The following TOPORS variants were observed in gnomAD, a reference collection of about 807,000 sequenced individuals.
TOPORS encodes E3 ubiquitin-protein ligase Topors.
A neutral mutation model predicts 81.4 loss-of-function variants in TOPORS; 25 were observed. The ratio of observed to expected loss-of-function variants is 0.31; its 90% CI spans 0.22 to 0.43. The LOEUF (loss-of-function observed/expected upper bound fraction) is 0.43. Ranked by LOEUF, TOPORS falls within the 20% of genes least tolerant of loss-of-function variation. TOPORS has a pLI of 1.00. For missense variants in TOPORS, 1,101 were observed against 1,267.0 expected (o/e 0.87, Z 1.99); for synonymous variants, 473 against 456.6 (o/e 1.04, Z -0.46).
At chr9:32,552,221 C>T in intron 1 of TOPORS, 1 of 639,270 alleles carries the variant, frequency 1.6e-6, no homozygotes, top group South Asian at 1.9e-5. Context: ...TCGTTTATTC[C>T]CCTCTCTAAA....
rs745665622 is a variant in TOPORS, at chr9:32,541,931, A to G, written c.2594T>C (p.Leu865Pro). The G allele has an allele frequency of 2.5e-6, 4 of 1,613,512 alleles. No individual in the cohort carries two copies. The African/African-American group carries it at 4.0e-5, about 16-fold the overall frequency. The change falls in exon 3 of 3, where the codon CTA (leucine) becomes CCA (proline). Residue 865 changes from leucine to proline, a missense_variant. Transcript: ENST00000360538. ...HKRRKRKTRS[L>P]SVEIVYEGKA... ...TCCTTCATAAACTATCTCTACACTT[A>G]GGCTCCGGGTCTTCCTTTTTCTCCT...
chr9:32,552,288 C>G (rs1489835626), intron 1 of TOPORS, 146 bp downstream of exon 1: 4 of 1,205,810 alleles, frequency 3.3e-6, no homozygotes, highest in African/African-American at 3.0e-5. Flanking sequence ...GCGGAAGAGG[C>G]CAGCGACAGC....
intron 2 of TOPORS, among the ~76,000 whole-genome samples, chr9:32,548,607 G>A (rs926101130): frequency 6.6e-6 from 1 of 152,114 alleles, no homozygotes; most frequent in East Asian, 1.9e-4. Flanking sequence ...AGGTAGACCC[G>A]ATGAAAAACA....
rs2118969803 is a variant in TOPORS, at chr9:32,544,234, T to C, written c.291A>G (p.Ala97=). 1 of 1,610,664 alleles carries C rather than the reference T, an allele frequency of 6.2e-7. No individual in the cohort carries two copies. The highest frequency in any genetic ancestry group is 8.5e-7 in the Non-Finnish European group (1 of 1,179,984). Residue 97 remains alanine, a synonymous_variant, in exon 3 of 3, where the codon GCA becomes GCG. Transcript: ENST00000360538. ...ATATAGGACACTTAGAATCAGGAGA[T>C]GCATCAGCTGGTACTGTCTGTTGCA... The part of the protein sequence containing the change: ...SKLQQTVPAD[A]SPDSKCPICL...
intron 1 of TOPORS, 32 bp from the exon 2 acceptor site, chr9:32,551,000 G>A: frequency 5.0e-6 from 8 of 1,604,996 alleles, no homozygotes; most frequent in East Asian, 2.2e-5. Flanking sequence ...ACCAATGGCA[G>A]CTCGGAAGCA....
rs747154231 is a variant in TOPORS, at chr9:32,543,914, G to A, written c.611C>T (p.Thr204Ile). 5.0e-6 allele frequency: 8 copies of A among 1,614,106 alleles called. No individual in the cohort carries two copies. The highest frequency in any genetic ancestry group is 4.2e-6 in the Non-Finnish European group (5 of 1,180,002). Residue 204 changes from threonine (T) to isoleucine (I), a missense_variant, in exon 3 of 3, where the codon ACA (threonine) becomes ATA (isoleucine). Thr to Ile is a moderately conservative substitution (Grantham distance 89). Transcript: ENST00000360538. The surrounding 1 kb of genome is among the most constrained non-coding windows in gnomAD (Gnocchi z 5.6). ...CAGTACTCCACTATCCGGTGGAGTT[G>A]TTGTTCTTCTGTTCACAGGACCACT... The part of the protein sequence containing the change: ...SPSGPVNRRT[T>I]TPPDSGVLFE...
At chr9:32,549,232 G>A (rs1291663529) in intron 2 of TOPORS, among the ~76,000 whole-genome samples, 2 of 152,152 alleles carry the variant, frequency 1.3e-5, no homozygotes, top group Non-Finnish European at 2.9e-5. Flanking sequence ...GCGTGAACCT[G>A]GCAGGCGGAG....
rs998096693 is a variant in TOPORS, at chr9:32,542,226, G to C, written c.2299C>G (p.His767Asp). Residue 767 changes from histidine to aspartate, a missense_variant, in exon 3 of 3, where the codon CAC becomes GAC. Coordinates refer to ENST00000360538, the MANE Select transcript of TOPORS (RefSeq NM_005802.5). ...TTACTAGACAGGCTCCTTGATCTGT[G>C]CCTTTCATAGTAGTAATACTTCCTC... Reference protein sequence around the residue: ...SERKYYYYERHRSRSLSSNRS... With the variant: ...SERKYYYYERDRSRSLSSNRS... 9 of 1,614,018 alleles carry C rather than the reference G, an allele frequency of 5.6e-6. No homozygotes were observed. Among genetic ancestry groups the C allele is most frequent in the African/African-American group, 1.3e-5 (1 of 74,898 alleles).
In TOPORS at chr9:32,542,296, G is replaced by C; in HGVS notation, c.2229C>G (p.Ser743=). The part of the protein sequence containing the change: ...QSSSPEFRVQ[S]FSERTNARKK... ...TCCTAGCATTTGTTCTTTCAGAAAA[G>C]GACTGAACTCTAAATTCTGGACTTG... Residue 743 remains serine (S), a synonymous_variant, in exon 3 of 3, where the codon TCC becomes TCG. Coordinates refer to ENST00000360538, the MANE Select transcript of TOPORS (RefSeq NM_005802.5). 1 of 1,614,068 alleles carries C rather than the reference G, an allele frequency of 6.2e-7. No homozygotes were observed. The highest frequency in any genetic ancestry group is 2.2e-5 in the East Asian group (1 of 44,886).
rs762386231 is a variant in TOPORS at position 32,541,427 on chromosome 9, AATG to A, written c.3095_3097del (p.Ser1032del). On this transcript the variant is annotated inframe_deletion, in exon 3 of 3. Transcript: ENST00000360538. ...GTCTCTACCAAGACATACTGACATT[AATG>A]ATGTCCGTGGCGATGGCAATTGCCT... The A allele has an allele frequency of 1.2e-6, 2 of 1,614,204 alleles. No homozygotes were observed. The highest frequency in any genetic ancestry group is 4.5e-5 in the East Asian group (2 of 44,880).
chr9:32,548,440 C>T (rs980409253), intron 2 of TOPORS, among the ~76,000 whole-genome samples: 2 of 151,962 alleles, frequency 1.3e-5, no homozygotes, highest in African/African-American at 4.8e-5. Context: ...AGGAGAATCA[C>T]TTGAACCCCC....
intron 2 of TOPORS, among the ~76,000 whole-genome samples, chr9:32,544,891 C>G (rs1319272653): frequency 6.6e-6 from 1 of 152,140 alleles, no homozygotes; most frequent in Non-Finnish European, 1.5e-5. Flanking sequence ...GGCTTTATAC[C>G]TTTCATATAC....
rs1563983668 is a variant in TOPORS at position 32,542,680 on chromosome 9, A to G, written c.1845T>C (p.His615=). The change falls in exon 3 of 3, where the codon CAT becomes CAC. Residue 615 remains histidine, a synonymous_variant. Transcript: ENST00000360538. ...TTCTTTTCTTCCCATGATGCTTTCTATGATTCTTCTGATCATGCCCACTTC... is the reference window on the plus strand; with the variant it reads ...TTCTTTTCTTCCCATGATGCTTTCTGTGATTCTTCTGATCATGCCCACTTC... ...QSRSGHDQKN[H]RKHHGKKRMK... The G allele has an allele frequency of 3.1e-6, 5 of 1,613,930 alleles. No homozygotes were observed. The highest frequency in any genetic ancestry group is 4.2e-6 in the Non-Finnish European group (5 of 1,179,986).
intron 2 of TOPORS, 24 bp from the exon 3 acceptor site, chr9:32,544,350 C>G: frequency 6.3e-7 from 1 of 1,595,280 alleles, no homozygotes; most frequent in Non-Finnish European, 8.5e-7. Context: ...AGAAATATAT[C>G]AGTAACCTGA....
In TOPORS at chr9:32,542,778, CTCTG is replaced by C; in HGVS notation, c.1743_1746del (p.Asp581GlufsTer43). ...TGTCTATGGTTATATGGAGAATATA[CTCTG>C]TCTCCTCTTACAGATGAGTTCAGGT... On this transcript the variant is annotated frameshift_variant, in exon 3 of 3. Coordinates refer to ENST00000360538, the MANE Select transcript of TOPORS (RefSeq NM_005802.5). LOFTEE classifies it high-confidence loss of function. 1 of 1,614,014 alleles carries C rather than the reference CTCTG, an allele frequency of 6.2e-7. No homozygotes were observed. Among genetic ancestry groups the C allele is most frequent in the Non-Finnish European group, 8.5e-7 (1 of 1,180,014 alleles).
rs1244600003 is a variant in TOPORS at position 32,540,857 on chromosome 9, T to C, written c.*530A>G. 1 of 152,704 alleles carries C rather than the reference T, an allele frequency of 6.5e-6. No individual in the cohort carries two copies. The highest frequency in any genetic ancestry group is 1.5e-5 in the Non-Finnish European group (1 of 68,138). 9.5% of individuals were successfully genotyped at this position (152,704 alleles called of 1,614,324 possible). A position where few individuals can be genotyped will look rare whatever the true frequency, so the allele number is the denominator to read the frequency against. On this transcript the variant is annotated 3_prime_UTR_variant, in exon 3 of 3. Transcript: ENST00000360538. Reference sequence around the variant, plus strand: ...CTGGCAGTCCAGATAAACAAGTATATAAAGGAAATAGTAAATTTTTATTTT... The same window carrying C: ...CTGGCAGTCCAGATAAACAAGTATACAAAGGAAATAGTAAATTTTTATTTT...
chr9:32,542,189 GTCCTTGATCTGTTACTAGACAGGC>G lies in TOPORS; in HGVS notation c.2312_2335del (p.Ser771_Arg778del), dbSNP rs1425499236. The G allele has an allele frequency of 6.2e-7, 1 of 1,614,216 alleles. No individual in the cohort carries two copies. Among genetic ancestry groups the G allele is most frequent in the Admixed American group, 1.7e-5 (1 of 60,026 alleles). ...CACCCGGTCAGTCCCGGTAGATGCA[GTCCTTGATCTGTTACTAGACAGGC>G]TCCTTGATCTGTGCCTTTCATAGTA... is the stretch of plus-strand genomic sequence containing the variant. On this transcript the variant is annotated inframe_deletion, in exon 3 of 3. Coordinates refer to ENST00000360538, the MANE Select transcript of TOPORS (RefSeq NM_005802.5).
At position 32,542,343 on chromosome 9, in the gene TOPORS, C is replaced by G. The variant is rs749657694; in HGVS notation, c.2182G>C (p.Ala728Pro). ...CTTGAAGACTGTCTAGAATAATGAGCTCTGGACAGAGTCCTCCTCCTGTAA... is the reference window on the plus strand; with the variant it reads ...CTTGAAGACTGTCTAGAATAATGAGGTCTGGACAGAGTCCTCCTCCTGTAA... Reference protein sequence around the residue: ...SSYRRRTLSRAHYSRQSSSPE... With the variant: ...SSYRRRTLSRPHYSRQSSSPE... The change falls in exon 3 of 3, where the codon GCT becomes CCT. Residue 728 changes from alanine (A) to proline (P), a missense_variant. By Grantham distance (27) the Ala-to-Pro change is conservative (BLOSUM62 -1). Around this residue, in one of 9 missense-constraint regions of TOPORS, gnomAD observed 605 missense variants for 636.1 expected, o/e 0.95. Transcript: ENST00000360538. 22 of 1,613,978 alleles carry G rather than the reference C, an allele frequency of 1.4e-5. No individual in the cohort carries two copies. Among genetic ancestry groups the G allele is most frequent in the Non-Finnish European group, 1.8e-5 (21 of 1,180,020 alleles).
In TOPORS at chr9:32,541,711, C is replaced by A. The variant is rs768838940; in HGVS notation, c.2814G>T (p.Glu938Asp). 1 of 1,614,188 alleles carries A rather than the reference C, an allele frequency of 6.2e-7. No homozygotes were observed. Among genetic ancestry groups the A allele is most frequent in the Admixed American group, 1.7e-5 (1 of 60,026 alleles). ...ATGGTTCCAAGGAAGGAGCCAAAAA[C>A]TCATTTTGTAGAGGGTCTTGAGGAC... The part of the protein sequence containing the change: ...NSGPQDPLQN[E>D]FLAPSLEPFE... The change falls in exon 3 of 3, where the codon GAG becomes GAT. Residue 938 changes from glutamate (E) to aspartate (D), a missense_variant. Physicochemically the swap from Glu to Asp is conservative, Grantham distance 45. Around this residue, in one of 9 missense-constraint regions of TOPORS, gnomAD observed 605 missense variants for 636.1 expected, o/e 0.95. Coordinates refer to ENST00000360538, the MANE Select transcript of TOPORS (RefSeq NM_005802.5).
Sources: allele counts gnomAD v4.1 joint callset (sites outside exome capture counted in the v4.1 genomes callset), GRCh38; gene constraint gnomAD v4.1.1; regional missense constraint gnomAD v4.1.1; non-coding constraint Gnocchi (gnomAD v3.1); transcripts MANE v1.5; gene names NCBI Gene and HGNC (gene_info 2026-07-23, HGNC 2026-07-21).